SLC44A5: variants seen among roughly 807,000 people sequenced by gnomAD.
SLC44A5 encodes solute carrier family 44 member 5.
In SLC44A5, 57 loss-of-function variants were observed where a neutral mutation model predicts 101.8. That is an observed-to-expected ratio of 0.56 (90% CI 0.45 to 0.70). The LOEUF is 0.70. SLC44A5 is among the 30% of genes least tolerant of loss of function. The pLI is 0.00. For synonymous variants in SLC44A5, 281 were observed against 290.9 expected (o/e 0.97, Z 0.35); for missense variants, 737 against 853.1 (o/e 0.86, Z 1.70).
the SLC44A5 span, among the ~76,000 whole-genome samples, chr1:75,656,960 C>T: frequency 2.5e-4 from 38 of 152,044 alleles, no homozygotes; most frequent in Non-Finnish European, 5.0e-4. Flanking sequence ...ACCAGCCTGG[C>T]CAACATGGTG....
At chr1:75,713,497 G>GT in the SLC44A5 span, among the ~76,000 whole-genome samples, 45 of 152,120 alleles carry the variant, frequency 3.0e-4, no homozygotes, top group Non-Finnish European at 5.0e-4. Context: ...GGAACTGCAG[G>GT]TTAAGAACCA....
intron 2 of SLC44A5, among the ~76,000 whole-genome samples, chr1:75,510,859 T>C (rs1463509501): frequency 6.6e-6 from 1 of 152,190 alleles, no homozygotes; most frequent in Non-Finnish European, 1.5e-5. Flanking sequence ...AGAAAAATGG[T>C]AGGCCGGGCG....
chr1:75,681,849 C>G, the SLC44A5 span, among the ~76,000 whole-genome samples: 134 of 152,230 alleles, frequency 8.8e-4, 1 homozygote, highest in African/African-American at 3.2e-3. Context: ...GATTGCATAT[C>G]TAGAAAACCC....
intron 2 of SLC44A5, among the ~76,000 whole-genome samples, chr1:75,414,812 A>C (rs1027573015): frequency 6.6e-6 from 1 of 152,248 alleles, no homozygotes. Context: ...ATTGAAAAGA[A>C]GAAAAAGAAC....
the SLC44A5 span, among the ~76,000 whole-genome samples, chr1:75,648,005 C>T: frequency 6.6e-6 from 1 of 152,046 alleles, no homozygotes; most frequent in Admixed American, 6.6e-5. Flanking sequence ...TTGGGATGAG[C>T]CAGGAGTGGA....
chr1:75,634,608 A>C, the SLC44A5 span, among the ~76,000 whole-genome samples: 5 of 151,630 alleles, frequency 3.3e-5, no homozygotes, highest in African/African-American at 1.2e-4. Context: ...CTGGCTAGAC[A>C]TATGTAGAAA....
At chr1:75,212,302 C>T (rs890407259) in intron 22 of SLC44A5, among the ~76,000 whole-genome samples, 2 of 151,948 alleles carry the variant, frequency 1.3e-5, no homozygotes, top group Non-Finnish European at 2.9e-5. Flanking sequence ...AGTAACAAGC[C>T]TAGTATCCAA....
At chr1:75,326,828 A>C (rs1343450848) in intron 4 of SLC44A5, among the ~76,000 whole-genome samples, 1 of 152,130 alleles carries the variant, frequency 6.6e-6, no homozygotes, top group East Asian at 1.9e-4. Flanking sequence ...CTTTAGCTCC[A>C]AAATCTTAAA....
At chr1:75,472,247 G>A (rs1051793969) in intron 2 of SLC44A5, among the ~76,000 whole-genome samples, 8 of 152,044 alleles carry the variant, frequency 5.3e-5, no homozygotes, top group South Asian at 2.1e-4. Flanking sequence ...AAAGTGTGCC[G>A]AGCACCTGTC....
chr1:75,235,709 A>G (rs899444786), intron 11 of SLC44A5, among the ~76,000 whole-genome samples: 1 of 152,080 alleles, frequency 6.6e-6, no homozygotes, highest in African/African-American at 2.4e-5. Context: ...TTTATTATGC[A>G]TCATATAGTT....
intron 2 of SLC44A5, among the ~76,000 whole-genome samples, chr1:75,481,598 A>G (rs1264256166): frequency 6.6e-6 from 1 of 152,042 alleles, no homozygotes. Flanking sequence ...GGCGAAGGAC[A>G]TGAACAGACA....
chr1:75,341,008 T>C (rs1186174538), intron 3 of SLC44A5, among the ~76,000 whole-genome samples: 1 of 152,228 alleles, frequency 6.6e-6, no homozygotes, highest in Non-Finnish European at 1.5e-5. Flanking sequence ...TTCTCACTTT[T>C]AACTAGTTCA....
intron 3 of SLC44A5, among the ~76,000 whole-genome samples, chr1:75,394,977 C>A (rs1013342432): frequency 3.3e-5 from 5 of 151,954 alleles, no homozygotes; most frequent in Non-Finnish European, 7.4e-5. Context: ...CCCAGTAATA[C>A]CTTGTCTGGG....
At chr1:75,707,134 A>G in the SLC44A5 span, among the ~76,000 whole-genome samples, 1 of 152,242 alleles carries the variant, frequency 6.6e-6, no homozygotes, top group Non-Finnish European at 1.5e-5. Context: ...TATGTATATA[A>G]TAATGGAACT....
At chr1:75,351,819 C>A (rs1570748027) in intron 3 of SLC44A5, among the ~76,000 whole-genome samples, 1 of 38,084 alleles carries the variant, frequency 2.6e-5, no homozygotes, top group Non-Finnish European at 4.5e-5. Flanking sequence ...CCCAAAAGCA[C>A]TCATCATAAT....
At chr1:75,544,367 T>TCTG (rs1671528956) in intron 1 of SLC44A5, among the ~76,000 whole-genome samples, 2 of 152,178 alleles carry the variant, frequency 1.3e-5, no homozygotes, top group South Asian at 4.1e-4. Context: ...AATTACCCAA[T>TCTG]CTGTGGTATT....
At chr1:75,252,781 G>C (rs1282413002) in intron 6 of SLC44A5, among the ~76,000 whole-genome samples, 1 of 152,176 alleles carries the variant, frequency 6.6e-6, no homozygotes, top group African/African-American at 2.4e-5. Flanking sequence ...GGCAGAAAGA[G>C]GGCAGCAGTA....
chr1:75,689,815 A>G, the SLC44A5 span, among the ~76,000 whole-genome samples: 1 of 152,192 alleles, frequency 6.6e-6, no homozygotes, highest in African/African-American at 2.4e-5. Flanking sequence ...TAGCTACCTT[A>G]TTACTACTAA....
At chr1:75,372,366 A>G (rs761488836) in intron 3 of SLC44A5, among the ~76,000 whole-genome samples, 7 of 152,184 alleles carry the variant, frequency 4.6e-5, no homozygotes, top group Non-Finnish European at 8.8e-5. Context: ...TTACATGCAG[A>G]TTGAGAGGAA....
Sources: allele counts gnomAD v4.1 joint callset (sites outside exome capture counted in the v4.1 genomes callset), GRCh38; gene constraint gnomAD v4.1.1; transcripts MANE v1.5; gene names NCBI Gene and HGNC (gene_info 2026-07-23, HGNC 2026-07-21).